GOPC: variants seen among roughly 807,000 people sequenced by gnomAD.
The protein encoded by GOPC is Golgi-associated PDZ and coiled-coil motif-containing protein.
Under a neutral mutation model 51.2 loss-of-function variants are expected in GOPC, and 32 were observed. That is an observed-to-expected ratio of 0.63 (90% CI 0.47 to 0.84). The LOEUF (loss-of-function observed/expected upper bound fraction) is 0.84. GOPC is among the 40% of genes least tolerant of loss of function. GOPC has a pLI of 0.00. For missense variants in GOPC, 441 were observed against 555.5 expected (o/e 0.79, Z 2.07); for synonymous variants, 190 against 205.1 (o/e 0.93, Z 0.63).
In GOPC at chr6:117,602,352, C is replaced by G. The variant is rs1288091947; in HGVS notation, c.-64G>C. On this transcript the variant is annotated 5_prime_UTR_variant, in exon 1 of 9. Transcript: ENST00000368498. ...CGCCGCCCCCCGCGCACGAAGGGAA[C>G]TGCTGGGACTGAGGGGACCCCCGCG... 4 of 1,463,278 alleles carry G rather than the reference C, an allele frequency of 2.7e-6. No homozygotes were observed. The Admixed American group carries it at 7.5e-5, about 27-fold the overall frequency. The allele number at this position is 1,463,278 out of a possible 1,614,324, so 90.6% of individuals were successfully genotyped here.
At chr6:117,595,354 T>C (rs1346446271) in intron 1 of GOPC, among the ~76,000 whole-genome samples, 2 of 152,212 alleles carry the variant, frequency 1.3e-5, no homozygotes, top group African/African-American at 2.4e-5. Context: ...GGCCTCACAA[T>C]GGAAAGGAAC....
chr6:117,586,445 A>G (rs1780034030), intron 1 of GOPC, among the ~76,000 whole-genome samples: 1 of 150,724 alleles, frequency 6.6e-6, no homozygotes, highest in South Asian at 2.1e-4. Context: ...TCCTGGAACT[A>G]AACTTTTAAA....
intron 3 of GOPC, among the ~76,000 whole-genome samples, chr6:117,576,827 TC>T (rs2114613223): frequency 6.6e-6 from 1 of 152,228 alleles, no homozygotes; most frequent in East Asian, 1.9e-4. Flanking sequence ...CCCAAGATGT[TC>T]ATTTTACATT....
chr6:117,570,964 GA>G lies in GOPC; in HGVS notation c.817-10del. 2 of 1,433,410 alleles carry G rather than the reference GA, an allele frequency of 1.4e-6. No individual in the cohort carries two copies. Among genetic ancestry groups the G allele is most frequent in the East Asian group, 2.3e-5 (1 of 43,612 alleles). The allele number at this position is 1,433,410 out of a possible 1,614,324, so 88.8% of individuals were successfully genotyped here. Reference sequence around the variant, plus strand: ...TTTAGGGAATCTTGATCCTTATTGGGAGGAAAAAAGAAGAAAAAGTAGTATC... The same window carrying G: ...TTTAGGGAATCTTGATCCTTATTGGGGGAAAAAAGAAGAAAAAGTAGTATC... On this transcript the variant is annotated splice_polypyrimidine_tract_variant and intron_variant, in intron 5 of 8. Coordinates refer to ENST00000368498, the MANE Select transcript of GOPC (RefSeq NM_020399.4).
intron 1 of GOPC, among the ~76,000 whole-genome samples, chr6:117,582,718 T>C (rs1336463473): frequency 2.0e-5 from 3 of 149,498 alleles, no homozygotes; most frequent in Admixed American, 2.0e-4. Context: ...CTCAATAAAA[T>C]TCTCTGCATT....
At chr6:117,575,429 C>A in intron 3 of GOPC, 77 bp from the exon 4 acceptor site, 1 of 1,026,340 alleles carries the variant, frequency 9.7e-7, no homozygotes, top group Non-Finnish European at 1.5e-6. Flanking sequence ...TGAAAATGCA[C>A]AAAAGCCTAC....
intron 1 of GOPC, among the ~76,000 whole-genome samples, chr6:117,600,723 T>A (rs73524740): frequency 2.0e-3 from 303 of 152,348 alleles, no homozygotes; most frequent in African/African-American, 7.0e-3. Context: ...TTTCACTATC[T>A]GAGAAAAATA....
chr6:117,602,363 G>A lies in GOPC; in HGVS notation c.-75C>T, dbSNP rs1772033650. 1 of 1,424,500 alleles carries A rather than the reference G, an allele frequency of 7.0e-7. No homozygotes were observed. Among genetic ancestry groups the A allele is most frequent in the African/African-American group, 1.4e-5 (1 of 69,568 alleles). 88.2% of individuals were successfully genotyped at this position (1,424,500 alleles called of 1,614,324 possible). Reference sequence around the variant, plus strand: ...GCGCACGAAGGGAACTGCTGGGACTGAGGGGACCCCCGCGCGCGCGGGCAC... The same window carrying A: ...GCGCACGAAGGGAACTGCTGGGACTAAGGGGACCCCCGCGCGCGCGGGCAC... On this transcript the variant is annotated 5_prime_UTR_variant, in exon 1 of 9. Transcript: ENST00000368498.
chr6:117,596,058 C>CT (rs1780192888), intron 1 of GOPC, among the ~76,000 whole-genome samples: 1 of 150,048 alleles, frequency 6.7e-6, no homozygotes. Context: ...GTGCCAACAT[C>CT]TATTTTTTTT....
chr6:117,589,029 T>C (rs1373601129), intron 1 of GOPC, among the ~76,000 whole-genome samples: 2 of 152,094 alleles, frequency 1.3e-5, no homozygotes, highest in Non-Finnish European at 2.9e-5. Flanking sequence ...CTAACACTAA[T>C]GATAGCTGTG....
At position 117,594,553 on chromosome 6, in the gene GOPC, TA is replaced by T. The variant is rs542091276; in HGVS notation, c.285+7450del. Among the ~76,000 whole-genome samples the T allele has an allele frequency of 2.4e-3, 359 of 152,338 alleles. 3 individuals carry two copies. Among genetic ancestry groups the T allele is most frequent in the African/African-American group, 8.4e-3 (349 of 41,582 alleles). ...CCCTTTTTTGCTCTCCATTGTATCC[TA>T]AGTGCCCAATACAGCATCTGGCACA... On this transcript the variant is annotated intron_variant, in intron 1 of 8. Transcript: ENST00000368498.
At chr6:117,596,409 A>G (rs1780199028) in intron 1 of GOPC, among the ~76,000 whole-genome samples, 1 of 151,952 alleles carries the variant, frequency 6.6e-6, no homozygotes, top group Non-Finnish European at 1.5e-5. Flanking sequence ...AGTCCCATCT[A>G]TTTATCTTTG....
At chr6:117,594,447 T>C (rs1780163446) in intron 1 of GOPC, among the ~76,000 whole-genome samples, 1 of 152,184 alleles carries the variant, frequency 6.6e-6, no homozygotes, top group Non-Finnish European at 1.5e-5. Context: ...TTCATCAAAG[T>C]TGCAATTTCT....
chr6:117,568,672 A>G (rs1203952694), intron 7 of GOPC, among the ~76,000 whole-genome samples: 4 of 152,228 alleles, frequency 2.6e-5, no homozygotes, highest in Non-Finnish European at 5.9e-5. Flanking sequence ...TGACAGAATT[A>G]GATCTGTGAG....
intron 7 of GOPC, 117 bp from the exon 8 acceptor site, chr6:117,567,151 C>A: frequency 3.2e-6 from 2 of 620,206 alleles, no homozygotes; most frequent in South Asian, 3.1e-5. Context: ...TAGCTGATTT[C>A]CAGAAAATAA....
chr6:117,581,515 G>A lies in GOPC; in HGVS notation c.286-2451C>T, dbSNP rs143986048. ...CACCCCAGGATCCTTCTTTTGACCC[G>A]CTCCAATCACTACCTCCACCTTCAT... On this transcript the variant is annotated intron_variant, in intron 1 of 8. Coordinates refer to ENST00000368498, the MANE Select transcript of GOPC (RefSeq NM_020399.4). 1.6e-4 allele frequency among the ~76,000 whole-genome samples: 24 copies of A among 147,534 alleles called. No homozygotes were observed. In the East Asian group the frequency reaches 4.4e-3, roughly 27 times the overall value.
chr6:117,572,750 C>T (rs1460578151), intron 5 of GOPC, among the ~76,000 whole-genome samples: 2 of 152,174 alleles, frequency 1.3e-5, no homozygotes, highest in African/African-American at 2.4e-5. Flanking sequence ...AAGTGCTTAT[C>T]GCTATCCCCA....
At chr6:117,582,877 A>G (rs1779980624) in intron 1 of GOPC, among the ~76,000 whole-genome samples, 1 of 151,652 alleles carries the variant, frequency 6.6e-6, no homozygotes, top group South Asian at 2.1e-4. Context: ...GGTACCCAAA[A>G]AGGCTATCAC....
chr6:117,596,157 G>A (rs912299427), intron 1 of GOPC, among the ~76,000 whole-genome samples: 1 of 152,060 alleles, frequency 6.6e-6, no homozygotes, highest in African/African-American at 2.4e-5. Flanking sequence ...TAGTGTTGTT[G>A]AGCATTTTTT....
Sources: gnomAD v4.1 joint callset for allele counts (sites outside exome capture counted in the v4.1 genomes callset) on GRCh38, gnomAD v4.1.1 for gene constraint, MANE v1.5 for transcripts, NCBI Gene and HGNC (gene_info 2026-07-23, HGNC 2026-07-21) for gene names.